The following ABCC4 variants were observed in gnomAD, a reference collection of about 807,000 sequenced individuals.
ABCC4 encodes ATP-binding cassette sub-family C member 4.
Under a neutral mutation model 168.5 loss-of-function variants are expected in ABCC4, and 102 were observed. The observed-to-expected ratio is 0.61, with a 90% CI of 0.52 to 0.71. The LOEUF (loss-of-function observed/expected upper bound fraction) is 0.71, where lower values mean the gene tolerates loss of function less well. Ranked by LOEUF, ABCC4 falls within the 30% of genes least tolerant of loss-of-function variation. The pLI is 0.00. For missense variants in ABCC4, 1,402 were observed against 1,605.8 expected (o/e 0.87, Z 2.17); for synonymous variants, 617 against 590.7 (o/e 1.04, Z -0.65).
intron 13 of ABCC4, among the ~76,000 whole-genome samples, chr13:95,177,249 T>C (rs563100810): frequency 3.3e-5 from 5 of 152,324 alleles, no homozygotes; most frequent in African/African-American, 9.6e-5. Flanking sequence ...GAAAGCCCTA[T>C]GTTGGTCCCA....
At chr13:95,048,211 A>G (rs2032677886) in intron 27 of ABCC4, among the ~76,000 whole-genome samples, 1 of 152,232 alleles carries the variant, frequency 6.6e-6, no homozygotes, top group South Asian at 2.1e-4. Context: ...TGTTTTCTAC[A>G]TTTAATAAAG....
At chr13:95,247,884 A>C in intron 1 of ABCC4, 131 bp from the exon 2 acceptor site, 1 of 630,228 alleles carries the variant, frequency 1.6e-6, no homozygotes, top group South Asian at 1.9e-5. Flanking sequence ...ACAGATATGA[A>C]TATATAGAGC....
chr13:95,061,432 A>C (rs1025800578), intron 26 of ABCC4, among the ~76,000 whole-genome samples: 4 of 152,166 alleles, frequency 2.6e-5, no homozygotes, highest in Admixed American at 1.3e-4. Context: ...ACTTGGTCTA[A>C]GATAAAAATC....
chr13:95,072,632 G>A (rs1401693077), intron 24 of ABCC4, among the ~76,000 whole-genome samples: 1 of 152,162 alleles, frequency 6.6e-6, no homozygotes. Flanking sequence ...AGGGGAAGGT[G>A]CAAATATTTA....
At chr13:95,226,582 A>G (rs1594336591) in intron 4 of ABCC4, among the ~76,000 whole-genome samples, 2 of 152,162 alleles carry the variant, frequency 1.3e-5, no homozygotes, top group East Asian at 3.9e-4. Flanking sequence ...AAGATTTTAC[A>G]GCTTAGAAAA....
At chr13:95,064,252 G>GTATATATATATA (rs763934713) in intron 25 of ABCC4, among the ~76,000 whole-genome samples, 1 of 118,164 alleles carries the variant, frequency 8.5e-6, no homozygotes, top group African/African-American at 3.3e-5. Flanking sequence ...CCGGGTGTGT[G>GTATATATATATA]TGTGTGTGTA....
chr13:95,046,834 T>C (rs1188132756), intron 27 of ABCC4, among the ~76,000 whole-genome samples: 1 of 152,042 alleles, frequency 6.6e-6, no homozygotes, highest in African/African-American at 2.4e-5. Flanking sequence ...TGGTTAAGTA[T>C]TAGCACTGAG....
chr13:95,166,034 GC>G, intron 15 of ABCC4, 123 bp downstream of exon 15: 1 of 904,306 alleles, frequency 1.1e-6, no homozygotes, highest in Non-Finnish European at 1.7e-6. Flanking sequence ...ATGGAATAGA[GC>G]CCTGAAACCA....
chr13:95,106,956 C>T (rs2035029015), intron 20 of ABCC4, among the ~76,000 whole-genome samples: 1 of 152,064 alleles, frequency 6.6e-6, no homozygotes, highest in African/African-American at 2.4e-5. Flanking sequence ...CCTTTACAGA[C>T]AGTTTTTAAG....
Position 95,021,684 on chromosome 13 carries a change from TA to T in ABCC4, c.3871-3del, listed in dbSNP as rs766564344. 2,348 of 1,455,300 alleles carry T rather than the reference TA, an allele frequency of 1.6e-3. No individual in the cohort carries two copies. The highest frequency in any genetic ancestry group is 3.1e-3 in the Admixed American group (156 of 50,744). The allele number at this position is 1,455,300 out of a possible 1,614,324, so 90.1% of individuals were successfully genotyped here. A position where few individuals can be genotyped will look rare whatever the true frequency, so the allele number is the denominator to read the frequency against. ...TGGATAATTTCTTTTGAAGTATACCTAGAAAAAAAAAAGGTAAGCATAAAAA... is the reference window on the plus strand; with the variant it reads ...TGGATAATTTCTTTTGAAGTATACCTGAAAAAAAAAAGGTAAGCATAAAAA... On this transcript the variant is annotated splice_polypyrimidine_tract_variant and splice_region_variant and intron_variant, in intron 30 of 30. Transcript: ENST00000645237.
intron 19 of ABCC4, among the ~76,000 whole-genome samples, chr13:95,147,794 A>G (rs903546589): frequency 6.6e-6 from 1 of 152,182 alleles, no homozygotes; most frequent in African/African-American, 2.4e-5. Flanking sequence ...TTAATTACAC[A>G]ATAGACTTCT....
intron 4 of ABCC4, among the ~76,000 whole-genome samples, chr13:95,218,497 TTTTG>T (rs1420524464): frequency 6.6e-6 from 1 of 152,190 alleles, no homozygotes; most frequent in African/African-American, 2.4e-5. Context: ...CTTCTGAGGC[TTTTG>T]TTTGTGTTTC....
intron 1 of ABCC4, among the ~76,000 whole-genome samples, chr13:95,255,656 A>G (rs2040374985): frequency 6.6e-6 from 1 of 151,974 alleles, no homozygotes; most frequent in African/African-American, 2.4e-5. Context: ...CTCAAAGCCC[A>G]TTTTCTCATC....
chr13:95,131,918 T>C (rs1486509280), intron 19 of ABCC4, among the ~76,000 whole-genome samples: 4 of 151,504 alleles, frequency 2.6e-5, no homozygotes, highest in Admixed American at 2.0e-4. Flanking sequence ...AAACACACAA[T>C]TACCGCATGA....
At chr13:95,130,632 T>C (rs2035926799) in intron 19 of ABCC4, among the ~76,000 whole-genome samples, 1 of 152,198 alleles carries the variant, frequency 6.6e-6, no homozygotes, top group South Asian at 2.1e-4. Flanking sequence ...GAACGAAACA[T>C]TTCTGCAGTA....
chr13:95,122,137 A>C (rs1237112928), intron 19 of ABCC4, among the ~76,000 whole-genome samples: 2 of 152,168 alleles, frequency 1.3e-5, no homozygotes, highest in Non-Finnish European at 2.9e-5. Flanking sequence ...TCTAAGGATA[A>C]ATCTGTTGAC....
chr13:95,287,806 G>A (rs376634793), intron 1 of ABCC4, among the ~76,000 whole-genome samples: 10 of 151,754 alleles, frequency 6.6e-5, no homozygotes, highest in African/African-American at 1.4e-4. Context: ...ACTTTGGGAG[G>A]CCAAGGCTGG....
At chr13:95,158,595 G>A (rs1210323990) in intron 19 of ABCC4, among the ~76,000 whole-genome samples, 1 of 152,198 alleles carries the variant, frequency 6.6e-6, no homozygotes, top group African/African-American at 2.4e-5. Context: ...CTAAGAGCTT[G>A]CTTTTAATAA....
chr13:95,073,261 G>T lies in ABCC4; in HGVS notation c.2961C>A (p.Leu987=). ...GQVGLALSYA[L]TLMGMFQWCV... ...ACCACTGAAACATCCCCATGAGCGT[G>T]AGGGCATAGGACAGTGCCAAACCAA... Residue 987 remains leucine, a synonymous_variant, in exon 24 of 31, where the codon CTC becomes CTA. Coordinates refer to ENST00000645237, the MANE Select transcript of ABCC4 (RefSeq NM_005845.5). The T allele has an allele frequency of 3.1e-6, 5 of 1,614,002 alleles. No homozygotes were observed. The highest frequency in any genetic ancestry group is 3.4e-6 in the Non-Finnish European group (4 of 1,179,940).
Sources: gnomAD v4.1 joint callset for allele counts (sites outside exome capture counted in the v4.1 genomes callset) on GRCh38, gnomAD v4.1.1 for gene constraint, MANE v1.5 for transcripts, NCBI Gene and HGNC (gene_info 2026-07-23, HGNC 2026-07-21) for gene names.